The following PBRM1 variants were observed in gnomAD, a reference collection of about 807,000 sequenced individuals.
PBRM1 encodes the protein polybromo 1.
PBRM1 carries 27 observed loss-of-function variants against 194.5 expected under a neutral mutation model. That is an observed-to-expected ratio of 0.14 (90% CI 0.10 to 0.19). The LOEUF (loss-of-function observed/expected upper bound fraction) is 0.19. Ranked by LOEUF, PBRM1 falls within the 10% of genes least tolerant of loss-of-function variation. The pLI is 1.00. For synonymous variants in PBRM1, 655 were observed against 693.2 expected, an observed-to-expected ratio of 0.94 and a Z score of 0.87; for missense variants, 1,466 against 2,077.2, an observed-to-expected ratio of 0.71 and a Z score of 5.72.
At chr3:52,599,001 A>G (rs567086011) in intron 17 of PBRM1, among the ~76,000 whole-genome samples, 31 of 148,260 alleles carry the variant, frequency 2.1e-4, no homozygotes, top group Non-Finnish European at 4.1e-4. Context: ...CAGCCTCAGC[A>G]ACAGTGCCAG....
Position 52,627,385 on chromosome 3 carries a change from ATC to A in PBRM1, c.1444-17_1444-16del. 2 of 1,543,434 alleles carry A rather than the reference ATC, an allele frequency of 1.3e-6. No homozygotes were observed. The highest frequency in any genetic ancestry group is 1.8e-6 in the Non-Finnish European group (2 of 1,116,122). ...TTCTTCTTTGCCTAAAACAGAGCAG[ATC>A]TCAGGAGTTGAGCTCATGTGCCAAA... On this transcript the variant is annotated splice_polypyrimidine_tract_variant and intron_variant, in intron 12 of 29. Coordinates refer to ENST00000296302, the Ensembl canonical transcript of PBRM1.
chr3:52,562,907 T>C (rs1224048646), intron 24 of PBRM1, among the ~76,000 whole-genome samples: 1 of 152,068 alleles, frequency 6.6e-6, no homozygotes, highest in East Asian at 1.9e-4. Flanking sequence ...GATGAGGTCC[T>C]ACATAAGGAG....
chr3:52,657,631 G>A (rs1232557639), intron 5 of PBRM1, among the ~76,000 whole-genome samples: 1 of 151,368 alleles, frequency 6.6e-6, no homozygotes, highest in Non-Finnish European at 1.5e-5. Context: ...CATCACACCA[G>A]GGTAGATTTT....
At chr3:52,557,350 C>A (rs189958332) in intron 26 of PBRM1, among the ~76,000 whole-genome samples, 1 of 152,302 alleles carries the variant, frequency 6.6e-6, no homozygotes, top group African/African-American at 2.4e-5. Flanking sequence ...ACAGCAAAAA[C>A]AGCATCCCAA....
chr3:52,558,438 A>C, intron 25 of PBRM1, 25 bp from the exon 28 acceptor site: 1 of 1,504,178 alleles, frequency 6.6e-7, no homozygotes, highest in South Asian at 1.3e-5. Context: ...CAGATTTTCA[A>C]TTCTGTTTTT....
chr3:52,679,053 A>T (rs935315203), intron 1 of PBRM1, among the ~76,000 whole-genome samples: 1 of 152,068 alleles, frequency 6.6e-6, no homozygotes, highest in Non-Finnish European at 1.5e-5. Flanking sequence ...CTCCTTCCTG[A>T]CCATCCCCTG....
At chr3:52,565,776 C>T (rs55946513) in intron 22 of PBRM1, among the ~76,000 whole-genome samples, 6,323 of 151,848 alleles carry the variant, frequency 0.042, 175 homozygotes, top group Non-Finnish European at 0.06. Flanking sequence ...CTTAGCCAGG[C>T]GCAGTGGCTC....
At chr3:52,620,324 G>A (rs1479574710) in intron 13 of PBRM1, among the ~76,000 whole-genome samples, 1 of 152,092 alleles carries the variant, frequency 6.6e-6, no homozygotes, top group African/African-American at 2.4e-5. Context: ...GACTTTAAAA[G>A]GAAGACAGAG....
intron 15 of PBRM1, among the ~76,000 whole-genome samples, chr3:52,613,224 T>C (rs2094744786): frequency 6.6e-6 from 1 of 152,184 alleles, no homozygotes; most frequent in Admixed American, 6.5e-5. Context: ...TGATTGGATT[T>C]GTTTTAAAAT....
exon 29 of PBRM1, chr3:52,550,589 C>T (rs200150658): frequency 3.4e-5 from 52 of 1,537,084 alleles, no homozygotes; most frequent in South Asian, 3.3e-4. Flanking sequence ...GGATGTGGGC[C>T]GGGATATGGA....
intron 22 of PBRM1, among the ~76,000 whole-genome samples, chr3:52,572,436 G>C (rs898144746): frequency 1.3e-5 from 2 of 152,050 alleles, no homozygotes; most frequent in Non-Finnish European, 2.9e-5. Flanking sequence ...CCAGTAGAGT[G>C]ATCTCAGCGC....
At chr3:52,605,293 C>T (rs2094277552) in intron 16 of PBRM1, among the ~76,000 whole-genome samples, 2 of 151,846 alleles carry the variant, frequency 1.3e-5, no homozygotes, top group Admixed American at 6.6e-5. Flanking sequence ...AGTGATCCTC[C>T]CTCTTCAGCC....
intron 23 of PBRM1, 44 bp from the exon 26 acceptor site, chr3:52,563,537 T>A (rs756827628): frequency 7.2e-7 from 1 of 1,382,074 alleles, no homozygotes; most frequent in East Asian, 2.3e-5. Context: ...CTAATGCCCC[T>A]CCAGAATAAG....
At chr3:52,680,458 T>C (rs1217779691), upstream of PBRM1, among the ~76,000 whole-genome samples, 1 of 152,224 alleles carries the variant, frequency 6.6e-6, no homozygotes, top group African/African-American at 2.4e-5. Flanking sequence ...TTTAGTGATA[T>C]GACATACTCT....
chr3:52,602,967 T>C (rs2094110096), intron 17 of PBRM1, among the ~76,000 whole-genome samples: 1 of 152,240 alleles, frequency 6.6e-6, no homozygotes, highest in Non-Finnish European at 1.5e-5. Flanking sequence ...ACTTGAACTT[T>C]AACAGAAATG....
At chr3:52,555,901 C>T (rs907799083) in intron 26 of PBRM1, among the ~76,000 whole-genome samples, 3 of 152,124 alleles carry the variant, frequency 2.0e-5, no homozygotes, top group Admixed American at 6.5e-5. Context: ...ACCTTTAAAA[C>T]CACATGGCAT....
In PBRM1 at chr3:52,550,590, G is replaced by A. The variant is rs763350891; in HGVS notation, c.4728C>T (p.Pro1576=). The A allele has an allele frequency of 5.5e-5, 85 of 1,535,916 alleles. No individual in the cohort carries two copies. In the East Asian group the frequency reaches 1.8e-3, roughly 33 times the overall value. Residue 1576 remains proline (P), a synonymous_variant, in exon 29 of 30, where the codon CCC becomes CCT. Transcript: ENST00000296302. ...CAGGGGGTCCAGCTGGATGTGGGCC[G>A]GGATATGGAGGTGGTGCCTGCTGCC...
chr3:52,602,982 A>C (rs926277242), intron 17 of PBRM1, among the ~76,000 whole-genome samples: 1 of 152,236 alleles, frequency 6.6e-6, no homozygotes, highest in African/African-American at 2.4e-5. Flanking sequence ...GAAATGATCC[A>C]ATTTGTAATC....
intron 16 of PBRM1, among the ~76,000 whole-genome samples, chr3:52,606,933 C>T (rs907982281): frequency 2.0e-5 from 3 of 152,144 alleles, no homozygotes; most frequent in African/African-American, 4.8e-5. Flanking sequence ...TCTCTTGTTA[C>T]GTCTCACTGT....
Sources: gnomAD v4.1 joint callset for allele counts (sites outside exome capture counted in the v4.1 genomes callset) on GRCh38, gnomAD v4.1.1 for gene constraint, MANE v1.5 for transcripts, NCBI Gene and HGNC (gene_info 2026-07-23, HGNC 2026-07-21) for gene names.